FBXO33: variants seen among roughly 807,000 people sequenced by gnomAD.
FBXO33 encodes F-box only protein 33.
A neutral mutation model predicts 46.3 loss-of-function variants in FBXO33; 22 were observed. The ratio of observed to expected loss-of-function variants is 0.48; its 90% confidence interval spans 0.34 to 0.68. FBXO33 has a LOEUF of 0.68. Ranked by LOEUF, FBXO33 falls within the 30% of genes least tolerant of loss-of-function variation. The probability of loss-of-function intolerance (pLI) is 0.01; values close to 1 mark genes in which losing one functional copy is unlikely to be tolerated. For missense variants in FBXO33, 692 were observed against 708.8 expected (o/e 0.98, Z 0.27); for synonymous variants, 337 against 291.3 (o/e 1.16, Z -1.60).
At chr14:39,420,151 T>C (rs1030069930) in intron 1 of FBXO33, among the ~76,000 whole-genome samples, 7 of 152,220 alleles carry the variant, frequency 4.6e-5, no homozygotes, top group African/African-American at 1.7e-4. Flanking sequence ...TGTGTGCCAA[T>C]GACATGAAAA....
In FBXO33 at chr14:39,416,088, TTTGTG is replaced by T. The variant is rs1164228969; in HGVS notation, c.600-13582_600-13578del. On this transcript the variant is annotated intron_variant, in intron 1 of 3. Transcript: ENST00000298097. Reference sequence around the variant, plus strand: ...TAGTGAGTTTTTTACTGTCATATGCTTTGTGTTATTTATTGTTCCTTTGTTTCATG... The same window carrying T: ...TAGTGAGTTTTTTACTGTCATATGCTTTATTTATTGTTCCTTTGTTTCATG... 5.3e-5 allele frequency among the ~76,000 whole-genome samples: 8 copies of T among 152,336 alleles called. No individual in the cohort carries two copies. In the South Asian group the frequency reaches 6.2e-4, roughly 12 times the overall value.
At chr14:39,423,730 T>G (rs2075496806) in intron 1 of FBXO33, among the ~76,000 whole-genome samples, 1 of 152,214 alleles carries the variant, frequency 6.6e-6, no homozygotes, top group South Asian at 2.1e-4. Flanking sequence ...GGATAATGGT[T>G]ACCTTTGAGG....
At chr14:39,404,864 A>G (rs1398807640) in intron 1 of FBXO33, among the ~76,000 whole-genome samples, 1 of 151,770 alleles carries the variant, frequency 6.6e-6, no homozygotes, top group African/African-American at 2.4e-5. Context: ...TAAGAAAAGA[A>G]TAGGCTGGGC....
chr14:39,429,389 CAA>C (rs1595989647), intron 1 of FBXO33, among the ~76,000 whole-genome samples: 1 of 152,060 alleles, frequency 6.6e-6, no homozygotes, highest in East Asian at 1.9e-4. Flanking sequence ...TCAAATGTCC[CAA>C]GTCTATAGTT....
intron 1 of FBXO33, among the ~76,000 whole-genome samples, chr14:39,418,793 A>AC (rs2075464136): frequency 6.6e-6 from 1 of 151,832 alleles, no homozygotes; most frequent in African/African-American, 2.4e-5. Context: ...AAAAAAACAA[A>AC]AAAAAAACAA....
At chr14:39,408,782 C>G (rs1330913500) in intron 1 of FBXO33, among the ~76,000 whole-genome samples, 3 of 151,454 alleles carry the variant, frequency 2.0e-5, no homozygotes, top group Non-Finnish European at 4.4e-5. Context: ...TTTTATCTCA[C>G]ATTTTTTTTC....
chr14:39,411,967 T>C (rs781364700), intron 1 of FBXO33, among the ~76,000 whole-genome samples: 61 of 152,250 alleles, frequency 4.0e-4, no homozygotes, highest in Non-Finnish European at 7.9e-4. Context: ...AGACTTGTTT[T>C]GTAGCCTAAC....
At chr14:39,412,738 G>C (rs1041514066) in intron 1 of FBXO33, among the ~76,000 whole-genome samples, 1 of 152,090 alleles carries the variant, frequency 6.6e-6, no homozygotes, top group African/African-American at 2.4e-5. Context: ...GCAATAAAGT[G>C]AATATTGAAA....
chr14:39,427,519 A>G (rs1259513202), intron 1 of FBXO33, among the ~76,000 whole-genome samples: 1 of 152,252 alleles, frequency 6.6e-6, no homozygotes, highest in East Asian at 1.9e-4. Context: ...TATTTATTAT[A>G]CTACCACAGG....
intron 1 of FBXO33, among the ~76,000 whole-genome samples, chr14:39,420,350 G>C (rs1362615192): frequency 1.3e-5 from 2 of 152,162 alleles, no homozygotes; most frequent in African/African-American, 4.8e-5. Context: ...CTTTAGTAAA[G>C]GTAAAATGGC....
Position 39,399,613 on chromosome 14 carries a change from G to C in FBXO33, c.1571C>G (p.Pro524Arg), listed in dbSNP as rs1427414078. Residue 524 changes from proline (P) to arginine (R), a missense_variant, in exon 4 of 4, where the codon CCT (proline) becomes CGT (arginine). Physicochemically the swap from Pro to Arg is moderately radical, Grantham distance 103. Coordinates refer to ENST00000298097, the MANE Select transcript of FBXO33 (RefSeq NM_203301.4). ...TTCGATGTCCATGACTGCATGCCAAGGTTGACCCAGGCCCAGGGATACCTG... is the reference window on the plus strand; with the variant it reads ...TTCGATGTCCATGACTGCATGCCAACGTTGACCCAGGCCCAGGGATACCTG... The part of the protein sequence containing the change: ...IEQVSLGLGQ[P>R]WHAVMDIESL... 2 of 1,613,770 alleles carry C rather than the reference G, an allele frequency of 1.2e-6. No individual in the cohort carries two copies. The highest frequency in any genetic ancestry group is 2.2e-5 in the East Asian group (1 of 44,892).
At chr14:39,410,127 C>T (rs529223518) in intron 1 of FBXO33, among the ~76,000 whole-genome samples, 22 of 152,234 alleles carry the variant, frequency 1.4e-4, no homozygotes, top group African/African-American at 2.2e-4. Flanking sequence ...GAAACGGTTC[C>T]GGTTTTTCAC....
intron 1 of FBXO33, among the ~76,000 whole-genome samples, chr14:39,405,500 G>T (rs2075391762): frequency 6.6e-6 from 1 of 151,828 alleles, no homozygotes; most frequent in African/African-American, 2.4e-5. Context: ...TTTTTTGGGG[G>T]GGTGTGGAGG....
In FBXO33 at chr14:39,431,672, G is replaced by A. The variant is rs755922429; in HGVS notation, c.491C>T (p.Thr164Ile). 1.3e-5 allele frequency: 21 copies of A among 1,613,528 alleles called. No individual in the cohort carries two copies. The highest frequency in any genetic ancestry group is 1.6e-5 in the Non-Finnish European group (19 of 1,179,992). The stretch of plus-strand genomic sequence containing the variant: ...CAGGGCCTCGACTTCCTCCCCTCCA[G>A]TCCCGGTGTCCGCGCCACCTCCGTC... ...PGDGGGADTG[T>I]GGEEVEALQL... The change falls in exon 1 of 4, where the codon ACT (threonine) becomes ATT (isoleucine). Residue 164 changes from threonine to isoleucine, a missense_variant. Thr to Ile is a moderately conservative substitution (Grantham distance 89, BLOSUM62 -1). This residue lies in a region of FBXO33 where 412 missense variants were observed against 370.8 expected (regional missense o/e 1.11). Coordinates refer to ENST00000298097, the MANE Select transcript of FBXO33 (RefSeq NM_203301.4).
rs139153252 is a variant in FBXO33, at chr14:39,421,497, C to T, written c.599+10067G>A. On this transcript the variant is annotated intron_variant, in intron 1 of 3. Coordinates refer to ENST00000298097, the MANE Select transcript of FBXO33 (RefSeq NM_203301.4). The stretch of plus-strand genomic sequence containing the variant: ...ATATGGACTTCATATGAGTCCATAG[C>T]TCATATGAAGGTTAGACCTAGGCAA... Among the ~76,000 whole-genome samples the T allele has an allele frequency of 2.3e-3, 357 of 152,102 alleles. 3 individuals are homozygous for T. The highest frequency in any genetic ancestry group is 0.014 in the Middle Eastern group (4 of 294).
chr14:39,419,948 G>C (rs2075472741), intron 1 of FBXO33, among the ~76,000 whole-genome samples: 1 of 152,170 alleles, frequency 6.6e-6, no homozygotes, highest in African/African-American at 2.4e-5. Flanking sequence ...TCTTTCTAAA[G>C]CATGCAAAAG....
At chr14:39,413,068 A>G (rs1006513567) in intron 1 of FBXO33, among the ~76,000 whole-genome samples, 1 of 152,226 alleles carries the variant, frequency 6.6e-6, no homozygotes, top group Admixed American at 6.5e-5. Flanking sequence ...CCTTTCATGA[A>G]AGATTTCTCT....
chr14:39,432,314 C>T lies in FBXO33; in HGVS notation c.-152G>A, dbSNP rs539716777. ...AACTCTACTCACGTGCGTCCGAGGC[C>T]GGCACACTGAGTAACTGCACTGCCC... On this transcript the variant is annotated 5_prime_UTR_variant, in exon 1 of 4. Coordinates refer to ENST00000298097, the MANE Select transcript of FBXO33 (RefSeq NM_203301.4). 68 of 536,868 alleles carry T rather than the reference C, an allele frequency of 1.3e-4. No individual in the cohort carries two copies. Among genetic ancestry groups the T allele is most frequent in the African/African-American group, 8.0e-4 (40 of 49,898 alleles). 33.3% of individuals were successfully genotyped at this position (536,868 alleles called of 1,614,324 possible). A position where few individuals can be genotyped will look rare whatever the true frequency, so the allele number is the denominator to read the frequency against.
intron 1 of FBXO33, among the ~76,000 whole-genome samples, chr14:39,422,875 G>A (rs747011158): frequency 6.6e-6 from 1 of 152,174 alleles, no homozygotes; most frequent in Admixed American, 6.5e-5. Context: ...TGTAATCCTA[G>A]CACTTTGGGA....
Sources: gnomAD v4.1 joint callset for allele counts (sites outside exome capture counted in the v4.1 genomes callset) on GRCh38, gnomAD v4.1.1 for gene constraint, gnomAD v4.1.1 regional missense constraint, MANE v1.5 for transcripts, NCBI Gene and HGNC (gene_info 2026-07-23, HGNC 2026-07-21) for gene names.